RGS21: variants seen among roughly 807,000 people sequenced by gnomAD.
The protein encoded by RGS21 is regulator of G protein signaling 21.
A neutral mutation model predicts 18.7 loss-of-function variants in RGS21; 19 were observed. The ratio of observed to expected loss-of-function variants is 1.01; its 90% CI spans 0.71 to 1.49. The LOEUF (loss-of-function observed/expected upper bound fraction) is 1.49, where lower values mean the gene tolerates loss of function less well. Ranked by LOEUF, RGS21 falls within the 40% of genes most tolerant of loss-of-function variation. RGS21 has a pLI of 0.00. For missense variants in RGS21, 194 were observed against 176.8 expected (o/e 1.10, Z -0.55); for synonymous variants, 56 against 57.8 (o/e 0.97, Z 0.14).
chr1:192,341,438 T>C (rs1658860221), intron 1 of RGS21, among the ~76,000 whole-genome samples: 1 of 152,110 alleles, frequency 6.6e-6, no homozygotes, highest in Admixed American at 6.6e-5. Context: ...CAACAGTATC[T>C]ATATGGCAAT....
intron 4 of RGS21, among the ~76,000 whole-genome samples, chr1:192,361,978 C>G (rs1334487733): frequency 6.6e-6 from 1 of 152,060 alleles, no homozygotes. Context: ...GGAAGACAAA[C>G]TGTACAGGAT....
intron 1 of RGS21, among the ~76,000 whole-genome samples, chr1:192,323,864 G>T (rs944403765): frequency 6.6e-6 from 1 of 152,020 alleles, no homozygotes; most frequent in Non-Finnish European, 1.5e-5. Flanking sequence ...TAAATACACA[G>T]CCCAGAGATT....
intron 1 of RGS21, among the ~76,000 whole-genome samples, chr1:192,331,157 G>A (rs1044361742): frequency 8.6e-5 from 13 of 152,042 alleles, no homozygotes; most frequent in African/African-American, 1.2e-4. Context: ...GTTAATGTCC[G>A]GCTGTATGCA....
intron 4 of RGS21, among the ~76,000 whole-genome samples, chr1:192,359,362 C>T (rs1046012902): frequency 6.6e-6 from 1 of 151,962 alleles, no homozygotes; most frequent in Non-Finnish European, 1.5e-5. Context: ...TCTGTAGCTT[C>T]CAAGCAACTC....
chr1:192,330,622 T>C (rs1469611408), intron 1 of RGS21, among the ~76,000 whole-genome samples: 1 of 152,088 alleles, frequency 6.6e-6, no homozygotes, highest in Non-Finnish European at 1.5e-5. Context: ...GTAGGATGGA[T>C]TGGAAGGAGA....
chr1:192,333,316 C>A (rs1482821307), intron 1 of RGS21, among the ~76,000 whole-genome samples: 1 of 138,330 alleles, frequency 7.2e-6, no homozygotes, highest in African/African-American at 2.9e-5. Context: ...ACCATAGGAC[C>A]CATCAATTGT....
At position 192,342,990 on chromosome 1, in the gene RGS21, C is replaced by T; in HGVS notation, c.-47C>T. 1 of 1,605,830 alleles carries T rather than the reference C, an allele frequency of 6.2e-7. No homozygotes were observed. Among genetic ancestry groups the T allele is most frequent in the Non-Finnish European group, 8.5e-7 (1 of 1,172,756 alleles). ...CATTACCTTCAGCTTGAAGATCAGT[C>T]AGAAAGAGAAACTCGGCATCATCTG... On this transcript the variant is annotated 5_prime_UTR_variant, in exon 2 of 5. Coordinates refer to ENST00000417209, the MANE Select transcript of RGS21 (RefSeq NM_001039152.3).
intron 1 of RGS21, among the ~76,000 whole-genome samples, chr1:192,322,607 A>G (rs1388459172): frequency 2.0e-5 from 3 of 151,958 alleles, no homozygotes; most frequent in Non-Finnish European, 4.4e-5. Flanking sequence ...TCCTCATGAC[A>G]TTACCTGGTT....
chr1:192,330,409 T>A (rs1448670590), intron 1 of RGS21, among the ~76,000 whole-genome samples: 2 of 152,126 alleles, frequency 1.3e-5, no homozygotes, highest in East Asian at 3.8e-4. Flanking sequence ...GGGGAAAGAA[T>A]TTTCCTAAAG....
intron 4 of RGS21, among the ~76,000 whole-genome samples, chr1:192,356,653 T>C (rs958419087): frequency 3.3e-5 from 5 of 151,874 alleles, no homozygotes; most frequent in African/African-American, 1.2e-4. Flanking sequence ...AACAGATATA[T>C]GAGTTGTTGA....
intron 1 of RGS21, among the ~76,000 whole-genome samples, chr1:192,327,521 G>A (rs1658584487): frequency 6.6e-6 from 1 of 151,840 alleles, no homozygotes; most frequent in African/African-American, 2.4e-5. Flanking sequence ...TGCCCAGGCT[G>A]GAGTGCAATG....
At chr1:192,352,278 C>T (rs1027145549) in intron 4 of RGS21, 65 bp downstream of exon 4, 2 of 1,125,270 alleles carry the variant, frequency 1.8e-6, no homozygotes, top group East Asian at 5.3e-5. Flanking sequence ...AATTAGAAGA[C>T]CTTAAATCCA....
At chr1:192,341,394 C>T (rs1658859395) in intron 1 of RGS21, among the ~76,000 whole-genome samples, 1 of 152,004 alleles carries the variant, frequency 6.6e-6, no homozygotes, top group African/African-American at 2.4e-5. Flanking sequence ...AGCCTAAACC[C>T]ACTGGACCAA....
intron 1 of RGS21, among the ~76,000 whole-genome samples, chr1:192,342,183 T>C (rs1014737930): frequency 6.6e-6 from 1 of 152,072 alleles, no homozygotes; most frequent in Admixed American, 6.6e-5. Context: ...TCAAGAGTTT[T>C]TAATTGACAT....
chr1:192,349,825 A>G (rs531915553), intron 3 of RGS21, among the ~76,000 whole-genome samples: 46 of 152,246 alleles, frequency 3.0e-4, no homozygotes, highest in South Asian at 2.1e-3. Context: ...TTGTATCTTG[A>G]TCTCTAACTT....
chr1:192,360,588 G>A (rs1030367321), intron 4 of RGS21, among the ~76,000 whole-genome samples: 6 of 152,008 alleles, frequency 3.9e-5, no homozygotes, highest in African/African-American at 1.4e-4. Context: ...TACACCACAT[G>A]GGAGCCAGCG....
At chr1:192,332,292 T>G (rs905444242) in intron 1 of RGS21, among the ~76,000 whole-genome samples, 28 of 152,050 alleles carry the variant, frequency 1.8e-4, no homozygotes, top group African/African-American at 6.8e-4. Flanking sequence ...TTATATGGGA[T>G]CAGTAATCAG....
chr1:192,343,247 T>C (rs960172471), intron 2 of RGS21, among the ~76,000 whole-genome samples, 200 bp downstream of exon 2: 1 of 152,140 alleles, frequency 6.6e-6, no homozygotes, highest in Non-Finnish European at 1.5e-5. Flanking sequence ...TTGCACTTTA[T>C]TCTTCATGTG....
chr1:192,342,908 C>T, intron 1 of RGS21, 69 bp from the exon 2 acceptor site: 1 of 863,450 alleles, frequency 1.2e-6, no homozygotes, highest in East Asian at 2.5e-5. Context: ...TAAAGAATGC[C>T]AATTTGTAAC....
Sources: gnomAD v4.1 joint callset for allele counts (sites outside exome capture counted in the v4.1 genomes callset) on GRCh38, gnomAD v4.1.1 for gene constraint, MANE v1.5 for transcripts, NCBI Gene and HGNC (gene_info 2026-07-23, HGNC 2026-07-21) for gene names.